The following GLIS3 variants were observed in gnomAD, a reference collection of about 807,000 sequenced individuals.
The protein encoded by GLIS3 is GLIS family zinc finger 3, also known as zinc finger protein GLIS3.
Under a neutral mutation model 78.6 loss-of-function variants are expected in GLIS3, and 53 were observed. The ratio of observed to expected loss-of-function variants is 0.67; its 90% CI spans 0.54 to 0.85. GLIS3 has a LOEUF of 0.85. Ranked by LOEUF, GLIS3 falls within the 40% of genes least tolerant of loss-of-function variation. The probability of loss-of-function intolerance (pLI) is 0.00; values close to 1 mark genes in which losing one functional copy is unlikely to be tolerated. For synonymous variants in GLIS3, 684 were observed against 509.9 expected, an observed-to-expected ratio of 1.34 and a Z score of -4.60; for missense variants, 1,703 against 1,231.1, an observed-to-expected ratio of 1.38 and a Z score of -5.74.
At chr9:4,098,536 G>A (rs930541824) in intron 4 of GLIS3, among the ~76,000 whole-genome samples, 1 of 152,174 alleles carries the variant, frequency 6.6e-6, no homozygotes, top group Non-Finnish European at 1.5e-5. Context: ...ATTACCCTGA[G>A]AGATTAATTG....
At chr9:4,265,156 A>G (rs1384357183) in intron 2 of GLIS3, among the ~76,000 whole-genome samples, 3 of 142,380 alleles carry the variant, frequency 2.1e-5, no homozygotes, top group Non-Finnish European at 4.5e-5. Context: ...TGGGCAACAG[A>G]GTGAGACGCC....
intron 4 of GLIS3, among the ~76,000 whole-genome samples, chr9:4,098,108 C>T (rs1830099987): frequency 6.6e-6 from 1 of 152,186 alleles, no homozygotes; most frequent in Non-Finnish European, 1.5e-5. Flanking sequence ...AGAGCTGGTG[C>T]AGTTGAGAGA....
intron 4 of GLIS3, among the ~76,000 whole-genome samples, chr9:4,038,537 C>T (rs572705026): frequency 6.6e-6 from 1 of 152,314 alleles, no homozygotes; most frequent in East Asian, 1.9e-4. Flanking sequence ...TTTCCCAGGC[C>T]TCAACAGGCC....
intron 4 of GLIS3, among the ~76,000 whole-genome samples, chr9:4,045,200 T>TATTTGCTTG (rs1472735083): frequency 1.3e-5 from 2 of 152,162 alleles, no homozygotes; most frequent in African/African-American, 4.8e-5. Flanking sequence ...TGATATTGCA[T>TATTTGCTTG]CCTTATCGTA....
At chr9:4,316,104 T>C (rs1374633912) in intron 2 of GLIS3, among the ~76,000 whole-genome samples, 1 of 152,192 alleles carries the variant, frequency 6.6e-6, no homozygotes, top group East Asian at 1.9e-4. Context: ...TTATGAAGCA[T>C]ACATCACACC....
intron 2 of GLIS3, among the ~76,000 whole-genome samples, chr9:4,140,150 GC>G (rs1248377400): frequency 6.6e-6 from 1 of 152,040 alleles, no homozygotes; most frequent in African/African-American, 2.4e-5. Flanking sequence ...ATGGCGAAAC[GC>G]TGTCTCCACA....
At chr9:4,248,869 G>A (rs890607127) in intron 2 of GLIS3, among the ~76,000 whole-genome samples, 6 of 152,062 alleles carry the variant, frequency 3.9e-5, no homozygotes, top group Non-Finnish European at 8.8e-5. Flanking sequence ...ATGTTTGTTG[G>A]CCACATAAAT....
chr9:4,232,146 AG>A (rs1329096753), intron 2 of GLIS3, among the ~76,000 whole-genome samples: 1 of 152,152 alleles, frequency 6.6e-6, no homozygotes, highest in African/African-American at 2.4e-5. Flanking sequence ...GGGAGGCTGA[AG>A]TGGGAGGACT....
the GLIS3 span, among the ~76,000 whole-genome samples, chr9:4,388,385 G>A: frequency 6.6e-6 from 1 of 151,978 alleles, no homozygotes; most frequent in Admixed American, 6.6e-5. Flanking sequence ...TATCTTAAGA[G>A]TAGAGAGGCA....
chr9:4,342,435 A>C (rs1412554294), intron 2 of GLIS3, among the ~76,000 whole-genome samples: 1 of 152,092 alleles, frequency 6.6e-6, no homozygotes, highest in Non-Finnish European at 1.5e-5. Flanking sequence ...TGGGTTCTCT[A>C]TTCTGTTCCA....
chr9:4,286,080 G>A lies in GLIS3; in HGVS notation c.346C>T (p.Gln116Ter). ...MSGSHTLKPK[Q>*]QEFGSPFPPN... is the part of the protein sequence containing the mutation. ...GGAAAAGGGCTTCCAAACTCCTGCT[G>A]CTTTGGCTTTAAAGTATGTGACCCT... The change falls in exon 2 of 11, where the codon CAG (glutamine) becomes TAG (stop). Residue 116 changes from glutamine (Q) to a stop codon, truncating the protein, a stop_gained. Coordinates refer to ENST00000381971, the MANE Select transcript of GLIS3 (RefSeq NM_001042413.2). LOFTEE classifies it high-confidence loss of function. 6.2e-7 allele frequency: 1 copy of A among 1,613,692 alleles called. No individual in the cohort carries two copies. Among genetic ancestry groups the A allele is most frequent in the Non-Finnish European group, 8.5e-7 (1 of 1,179,792 alleles).
At chr9:3,860,660 G>A (rs1820154762) in intron 8 of GLIS3, among the ~76,000 whole-genome samples, 1 of 152,170 alleles carries the variant, frequency 6.6e-6, no homozygotes, top group South Asian at 2.1e-4. Context: ...ACACCCACCT[G>A]GGCTTGGATG....
At chr9:4,153,246 G>C (rs915840007) in intron 2 of GLIS3, among the ~76,000 whole-genome samples, 4 of 152,138 alleles carry the variant, frequency 2.6e-5, no homozygotes, top group African/African-American at 9.7e-5. Context: ...GAATAAAATA[G>C]TACTAATAAT....
intron 4 of GLIS3, among the ~76,000 whole-genome samples, chr9:4,104,004 C>T (rs1052467167): frequency 6.6e-6 from 1 of 152,130 alleles, no homozygotes; most frequent in Non-Finnish European, 1.5e-5. Flanking sequence ...CTCTTCTCAC[C>T]TTCCACCAAC....
In GLIS3 at chr9:4,021,271, A is replaced by G. The variant is rs1338199254; in HGVS notation, c.1711-84082T>C. Among the ~76,000 whole-genome samples the G allele has an allele frequency of 2.0e-5, 3 of 152,226 alleles. No individual in the cohort carries two copies. In the East Asian group the frequency reaches 5.8e-4, roughly 29 times the overall value. ...ACCACATAATGTGGGCTATCAAAGA[A>G]CAAACCTGAATCAATAATTCATATT... On this transcript the variant is annotated intron_variant, in intron 4 of 10. Coordinates refer to ENST00000381971, the MANE Select transcript of GLIS3 (RefSeq NM_001042413.2).
chr9:4,109,373 G>A (rs1027448405), intron 4 of GLIS3, among the ~76,000 whole-genome samples: 1 of 152,138 alleles, frequency 6.6e-6, no homozygotes, highest in Non-Finnish European at 1.5e-5. Context: ...AAATAACTTT[G>A]GTCTCTAGTC....
chr9:4,063,007 G>A (rs1826785767), intron 4 of GLIS3, among the ~76,000 whole-genome samples: 1 of 151,718 alleles, frequency 6.6e-6, no homozygotes, highest in South Asian at 2.1e-4. Flanking sequence ...GCTGTTATAT[G>A]GACCAAACAC....
In GLIS3 at chr9:3,828,186, T is replaced by C. The variant is rs1588037718; in HGVS notation, c.*86A>G. 1.3e-6 allele frequency: 2 copies of C among 1,517,430 alleles called. No individual in the cohort carries two copies. Among genetic ancestry groups the C allele is most frequent in the African/African-American group, 1.4e-5 (1 of 72,942 alleles). 94.0% of individuals were successfully genotyped at this position (1,517,430 alleles called of 1,614,324 possible). ...GGCCCGCTGATTGGGCTGACATCCTTCCTCAAGCAGTCTGTGAGAGTACGA... is the reference window on the plus strand; with the variant it reads ...GGCCCGCTGATTGGGCTGACATCCTCCCTCAAGCAGTCTGTGAGAGTACGA... On this transcript the variant is annotated 3_prime_UTR_variant, in exon 11 of 11. Transcript: ENST00000381971.
chr9:4,367,192 G>A, the GLIS3 span, among the ~76,000 whole-genome samples: 2 of 152,128 alleles, frequency 1.3e-5, no homozygotes, highest in East Asian at 1.9e-4. Context: ...CTTGTAAGCC[G>A]CCGACGGCAT....
Sources: allele counts gnomAD v4.1 joint callset (sites outside exome capture counted in the v4.1 genomes callset), GRCh38; gene constraint gnomAD v4.1.1; transcripts MANE v1.5; gene names NCBI Gene and HGNC (gene_info 2026-07-23, HGNC 2026-07-21).